Variants in GTSE1 observed in about 807,000 individuals in gnomAD.
The protein encoded by GTSE1 is G2 and S phase-expressed protein 1.
Under a neutral mutation model 60.5 loss-of-function variants are expected in GTSE1, and 52 were observed. That is an observed-to-expected ratio of 0.86 (90% confidence interval 0.69 to 1.08). GTSE1 has a LOEUF of 1.08. Among genes scored for constraint, GTSE1 ranks in the 50% least tolerant of loss-of-function variants. The probability of loss-of-function intolerance (pLI) is 0.00; values close to 1 mark genes in which losing one functional copy is unlikely to be tolerated. For synonymous variants in GTSE1, 368 were observed against 386.5 expected (o/e 0.95, Z 0.56); for missense variants, 937 against 961.8 (o/e 0.97, Z 0.34).
At chr22:46,306,561 A>G (rs2077716624) in intron 2 of GTSE1, among the ~76,000 whole-genome samples, 1 of 151,862 alleles carries the variant, frequency 6.6e-6, no homozygotes, top group African/African-American at 2.4e-5. Context: ...GTTCATTGCA[A>G]CATCTACCTC....
chr22:46,308,694 C>G lies in GTSE1; in HGVS notation c.513C>G (p.Ser171Arg), dbSNP rs367919168. Residue 171 changes from serine to arginine, a missense_variant, in exon 4 of 12, where the codon AGC becomes AGG. Ser to Arg is a moderately radical substitution (Grantham distance 110, BLOSUM62 -1). Coordinates refer to ENST00000454366, the MANE Select transcript of GTSE1 (RefSeq NM_016426.7). ...GGGAGACATACTACCTGTCAGACAG[C>G]CCCTTGCTGGGGCCCCCTGTGGGTG... ...LKRETYYLSD[S>R]PLLGPPVGEP... 6.2e-6 allele frequency: 10 copies of G among 1,613,900 alleles called. No homozygotes were observed. In the African/African-American group the frequency reaches 1.3e-4, roughly 21 times the overall value.
rs1449291036 is a variant in GTSE1, at chr22:46,317,457, C to T, written c.1432+1045C>T. On this transcript the variant is annotated intron_variant, in intron 7 of 11. Coordinates refer to ENST00000454366, the MANE Select transcript of GTSE1 (RefSeq NM_016426.7). The surrounding 1 kb of genome is among the most constrained non-coding windows in gnomAD (Gnocchi z 5.6). ...AGCAAATTGATAATGGTTTTAGGGT[C>T]TACGATTCTTCTCATACCATCTTCC... is the stretch of plus-strand genomic sequence containing the variant. Among the ~76,000 whole-genome samples, 1 of 152,164 alleles carries T rather than the reference C, an allele frequency of 6.6e-6. No individual in the cohort carries two copies. Among genetic ancestry groups the T allele is most frequent in the Non-Finnish European group, 1.5e-5 (1 of 68,038 alleles).
rs186987232 is a variant in GTSE1 at position 46,310,593 on chromosome 22, C to T, written c.763-1548C>T. ...CATCCAGCAAATGATGATTGGGTAA[C>T]GAAAATGCAGTCTATCCAAACAATG... On this transcript the variant is annotated intron_variant, in intron 4 of 11. Transcript: ENST00000454366. The surrounding 1 kb of genome is among the most constrained non-coding windows in gnomAD (Gnocchi z 4.4). Among the ~76,000 whole-genome samples, 7 of 152,232 alleles carry T rather than the reference C, an allele frequency of 4.6e-5. No homozygotes were observed. The highest frequency in any genetic ancestry group is 7.2e-5 in the African/African-American group (3 of 41,530).
chr22:46,322,199 A>G (rs957433264), intron 7 of GTSE1, among the ~76,000 whole-genome samples: 14 of 151,396 alleles, frequency 9.2e-5, no homozygotes, highest in Non-Finnish European at 1.8e-4. Context: ...CAGGCGCAGG[A>G]GGGCGGGCAT....
At position 46,312,253 on chromosome 22, in the gene GTSE1, C is replaced by A; in HGVS notation, c.875C>A (p.Ala292Asp). Reference protein sequence around the residue: ...KPAPGAVNVPAAGSHLGQGKR... With the variant: ...KPAPGAVNVPDAGSHLGQGKR... ...GCCCCGGGTGCTGTCAATGTGCCGG[C>A]CGCCGGAAGCCACTTGGGCCAGGGC... Residue 292 changes from alanine to aspartate, a missense_variant, in exon 5 of 12, where the codon GCC (alanine) becomes GAC (aspartate). Ala to Asp is a moderately radical substitution (Grantham distance 126). Coordinates refer to ENST00000454366, the MANE Select transcript of GTSE1 (RefSeq NM_016426.7). 6.2e-7 allele frequency: 1 copy of A among 1,614,058 alleles called. No individual in the cohort carries two copies. The highest frequency in any genetic ancestry group is 8.5e-7 in the Non-Finnish European group (1 of 1,179,986).
chr22:46,313,841 G>C lies in GTSE1; in HGVS notation c.928-49G>C. ...TTACTTTTGCAGACACAAGTAATAG[G>C]TAAATAACGAGATCTTTGCTGATTC... On this transcript the variant is annotated intron_variant, in intron 5 of 11. Coordinates refer to ENST00000454366, the MANE Select transcript of GTSE1 (RefSeq NM_016426.7). The surrounding 1 kb of genome is among the most constrained non-coding windows in gnomAD (Gnocchi z 4.4). 1 of 1,609,712 alleles carries C rather than the reference G, an allele frequency of 6.2e-7. No homozygotes were observed. The highest frequency in any genetic ancestry group is 8.5e-7 in the Non-Finnish European group (1 of 1,176,748).
At position 46,313,166 on chromosome 22, in the gene GTSE1, T is replaced by TAAAAA. The variant is rs778559566; in HGVS notation, c.928-708_928-704dup. Among the ~76,000 whole-genome samples the TAAAAA allele has an allele frequency of 2.4e-5, 2 of 82,206 alleles. No homozygotes were observed. The highest frequency in any genetic ancestry group is 8.7e-5 in the African/African-American group (2 of 23,070). 53.9% of individuals were successfully genotyped at this position (82,206 alleles called of 152,430 possible). On this transcript the variant is annotated intron_variant, in intron 5 of 11. Coordinates refer to ENST00000454366, the MANE Select transcript of GTSE1 (RefSeq NM_016426.7). This position sits in a 1 kb window ranked among gnomAD's most constrained non-coding sequence, Gnocchi z 4.4. ...CTGGGCAACAGAGTGAGACCCTGTC[T>TAAAAA]AAAAAAAAAAAAAAAAAAAAGGAAA...
intron 3 of GTSE1, 21 bp from the exon 4 acceptor site, chr22:46,308,298 A>T (rs781038534): frequency 1.2e-6 from 2 of 1,610,474 alleles, no homozygotes; most frequent in Non-Finnish European, 1.7e-6. Context: ...GTTATTAATC[A>T]TTCTTTTTTT....
rs758677023 is a variant in GTSE1, at chr22:46,313,907, C to T, written c.945C>T (p.Thr315=). The T allele has an allele frequency of 2.0e-5, 33 of 1,614,154 alleles. No individual in the cohort carries two copies. The Middle Eastern group carries it at 1.2e-3, about 56-fold the overall frequency. The stretch of plus-strand genomic sequence containing the variant: ...TGCCCCAGTTGGGGCTGAAGAAGAC[C>T]CTGTTAAAAGCACCCGGCTCTACCA... ...PVPNKLGLKK[T]LLKAPGSTSN... The change falls in exon 6 of 12, where the codon ACC becomes ACT. Residue 315 remains threonine (T), a synonymous_variant. Coordinates refer to ENST00000454366, the MANE Select transcript of GTSE1 (RefSeq NM_016426.7). This position sits in a 1 kb window ranked among gnomAD's most constrained non-coding sequence, Gnocchi z 4.4.
chr22:46,315,972 T>C (rs991667672), intron 6 of GTSE1, 60 bp from the exon 7 acceptor site: 58 of 1,286,360 alleles, frequency 4.5e-5, no homozygotes, highest in Non-Finnish European at 6.1e-5. Context: ...AACTTCTGTG[T>C]GTTTGTTAAA....
chr22:46,299,580 C>G (rs949651288), intron 2 of GTSE1, among the ~76,000 whole-genome samples: 1 of 152,218 alleles, frequency 6.6e-6, no homozygotes, highest in Non-Finnish European at 1.5e-5. Context: ...CAGAAGATAT[C>G]CTGAATCCAT....
rs750621232 is a variant in GTSE1 at position 46,313,900 on chromosome 22, A to G, written c.938A>G (p.Lys313Arg). The change falls in exon 6 of 12, where the codon AAG becomes AGG. Residue 313 changes from lysine to arginine, a missense_variant. By Grantham distance (26) the Lys-to-Arg change is conservative. Coordinates refer to ENST00000454366, the MANE Select transcript of GTSE1 (RefSeq NM_016426.7). This position sits in a 1 kb window ranked among gnomAD's most constrained non-coding sequence, Gnocchi z 4.4. ...AIPVPNKLGL[K>R]KTLLKAPGST... ...CACATTTTGCCCCAGTTGGGGCTGAAGAAGACCCTGTTAAAAGCACCCGGC... is the reference window on the plus strand; with the variant it reads ...CACATTTTGCCCCAGTTGGGGCTGAGGAAGACCCTGTTAAAAGCACCCGGC... 3.1e-6 allele frequency: 5 copies of G among 1,614,032 alleles called. No homozygotes were observed. In the African/African-American group the frequency reaches 6.7e-5, roughly 22 times the overall value.
In GTSE1 at chr22:46,316,179, T is replaced by A. The variant is rs1329269371; in HGVS notation, c.1199T>A (p.Val400Asp). 1.9e-6 allele frequency: 3 copies of A among 1,612,930 alleles called. No individual in the cohort carries two copies. In the African/African-American group the frequency reaches 4.0e-5, roughly 22 times the overall value. ...GCATCCTCCTGGCAGGCCAAGCGGG[T>A]CGATGTTTCTGAGCTGGCAGCGGAG... ...VGASSWQAKR[V>D]DVSELAAEQL... Residue 400 changes from valine to aspartate, a missense_variant, in exon 7 of 12, where the codon GTC becomes GAC. Coordinates refer to ENST00000454366, the MANE Select transcript of GTSE1 (RefSeq NM_016426.7). The surrounding 1 kb of genome is among the most constrained non-coding windows in gnomAD (Gnocchi z 5.0).
rs189810989 is a variant in GTSE1 at position 46,297,667 on chromosome 22, G to C, written c.79+188G>C. Among the ~76,000 whole-genome samples, 30 of 152,294 alleles carry C rather than the reference G, an allele frequency of 2.0e-4. No homozygotes were observed. The East Asian group carries it at 5.6e-3, about 28-fold the overall frequency. ...CCTCCCCATTTTAAGTTTCATCACA[G>C]CCAGGATTCTCATCCGTTTTATTTA... On this transcript the variant is annotated intron_variant, in intron 2 of 11. Coordinates refer to ENST00000454366, the MANE Select transcript of GTSE1 (RefSeq NM_016426.7). This position sits in a 1 kb window ranked among gnomAD's most constrained non-coding sequence, Gnocchi z 4.9.
In GTSE1 at chr22:46,314,530, T is replaced by C. The variant is rs1482961057; in HGVS notation, c.1051+517T>C. 6.6e-6 allele frequency among the ~76,000 whole-genome samples: 1 copy of C among 152,168 alleles called. No individual in the cohort carries two copies. The highest frequency in any genetic ancestry group is 1.5e-5 in the Non-Finnish European group (1 of 68,034). ...AATCCTCTTCGAGGTGCATTGGCCA[T>C]GTGGCGTCTCGGGGTCGTTCAGGGC... On this transcript the variant is annotated intron_variant, in intron 6 of 11. Coordinates refer to ENST00000454366, the MANE Select transcript of GTSE1 (RefSeq NM_016426.7). This position sits in a 1 kb window ranked among gnomAD's most constrained non-coding sequence, Gnocchi z 7.1.
chr22:46,300,815 A>G (rs1327839121), intron 2 of GTSE1, among the ~76,000 whole-genome samples: 3 of 152,218 alleles, frequency 2.0e-5, no homozygotes, highest in Non-Finnish European at 4.4e-5. Context: ...GACCATTAGA[A>G]GTTTCTGAAA....
intron 2 of GTSE1, among the ~76,000 whole-genome samples, chr22:46,298,983 C>T (rs932071572): frequency 6.6e-6 from 1 of 152,240 alleles, no homozygotes; most frequent in African/African-American, 2.4e-5. Context: ...CATTTTTTTC[C>T]GCCTCTCAAT....
In GTSE1 at chr22:46,309,987, T is replaced by G. The variant is rs1422126504; in HGVS notation, c.762+1044T>G. Among the ~76,000 whole-genome samples the G allele has an allele frequency of 2.6e-5, 4 of 152,182 alleles. No individual in the cohort carries two copies. The highest frequency in any genetic ancestry group is 4.8e-5 in the African/African-American group (2 of 41,450). ...TTGGGCTGCTCCAGACCCATCGAAG[T>G]ATCTCTTTTGATCTCCTGGTCCTGG... On this transcript the variant is annotated intron_variant, in intron 4 of 11. Coordinates refer to ENST00000454366, the MANE Select transcript of GTSE1 (RefSeq NM_016426.7). This position sits in a 1 kb window ranked among gnomAD's most constrained non-coding sequence, Gnocchi z 6.2.
chr22:46,304,807 C>T lies in GTSE1; in HGVS notation c.80-3343C>T, dbSNP rs2077707282. On this transcript the variant is annotated intron_variant, in intron 2 of 11. Transcript: ENST00000454366. The surrounding 1 kb of genome is among the most constrained non-coding windows in gnomAD (Gnocchi z 4.4). ...CAGCCTGGGCAACATGAGGAGATCC[C>T]ATCTCTACAAAAAATACAAATATTA... Among the ~76,000 whole-genome samples, 1 of 152,058 alleles carries T rather than the reference C, an allele frequency of 6.6e-6. No homozygotes were observed. Among genetic ancestry groups the T allele is most frequent in the Non-Finnish European group, 1.5e-5 (1 of 67,996 alleles).
Sources: gnomAD v4.1 joint callset for allele counts (sites outside exome capture counted in the v4.1 genomes callset) on GRCh38, gnomAD v4.1.1 for gene constraint, Gnocchi (gnomAD v3.1) non-coding constraint, MANE v1.5 for transcripts, NCBI Gene and HGNC (gene_info 2026-07-23, HGNC 2026-07-21) for gene names.